Variants in NBPF15 observed in about 807,000 individuals in gnomAD.
NBPF15 encodes NBPF member 15.
In NBPF15, 74 loss-of-function variants were observed where a neutral mutation model predicts 62.2. The observed-to-expected ratio is 1.19, with a 90% CI of 0.99 to 1.44. The LOEUF (loss-of-function observed/expected upper bound fraction) is 1.44, where lower values mean the gene tolerates loss of function less well. NBPF15 is among the 40% of genes most tolerant of loss of function. The pLI, the probability that NBPF15 is intolerant of heterozygous loss-of-function variation, is 0.00. For synonymous variants in NBPF15, 244 were observed against 209.7 expected, an observed-to-expected ratio of 1.16 and a Z score of -1.41; for missense variants, 790 against 550.0, an observed-to-expected ratio of 1.44 and a Z score of -4.36.
intron 20 of NBPF15, among the ~76,000 whole-genome samples, chr1:144,424,194 GT>G (rs1305637661): frequency 6.6e-6 from 1 of 151,948 alleles, no homozygotes; most frequent in Non-Finnish European, 1.5e-5. Flanking sequence ...CTAGTAGATC[GT>G]TATCCCAATA....
chr1:144,447,797 C>T (rs1309791223), intron 6 of NBPF15, among the ~76,000 whole-genome samples: 1 of 152,082 alleles, frequency 6.6e-6, no homozygotes, highest in African/African-American at 2.4e-5. Context: ...TAGTTTATTT[C>T]ATGCCTTTCT....
intron 4 of NBPF15, among the ~76,000 whole-genome samples, chr1:144,451,578 T>A (rs1691191494): frequency 6.6e-6 from 1 of 151,948 alleles, no homozygotes; most frequent in Admixed American, 6.6e-5. Context: ...TTCCGCAGTG[T>A]AGTGTGTCTC....
rs1669129234 is a variant in NBPF15, at chr1:144,425,557, C to A, written c.1450G>T (p.Asp484Tyr). 20 of 560,746 alleles carry A rather than the reference C, an allele frequency of 3.6e-5. No individual in the cohort carries two copies. The East Asian group carries it at 4.8e-4, about 13-fold the overall frequency. The allele number at this position is 560,746 out of a possible 1,614,324, so 34.7% of individuals were successfully genotyped here. A position where few individuals can be genotyped will look rare whatever the true frequency, so the allele number is the denominator to read the frequency against. ...LALDVDRIKK[D>Y]QEEEEDQGPP... ...CCTTGGTCTTCTTCCTCTTCTTGGT[C>A]CTTTTTAATTCCTGCAATACATTCA... The change falls in exon 19 of 22, where the codon GAC becomes TAC. Residue 484 changes from aspartate to tyrosine, a missense_variant. Asp to Tyr is a radical substitution (Grantham distance 160, BLOSUM62 -3). Transcript: ENST00000581897.
intron 11 of NBPF15, among the ~76,000 whole-genome samples, 180 bp from the exon 12 acceptor site, chr1:144,435,496 T>C (rs1197941128): frequency 2.6e-5 from 4 of 151,678 alleles, no homozygotes; most frequent in Non-Finnish European, 5.9e-5. Context: ...ATGGCTGCCA[T>C]GGGAACCAGA....
At chr1:144,451,847 A>C (rs9971024) in intron 4 of NBPF15, among the ~76,000 whole-genome samples, 13,440 of 149,742 alleles carry the variant, frequency 0.09, 1,612 homozygotes, top group African/African-American at 0.27. Context: ...ACAATCTGAT[A>C]TCTCTTTCTT....
At chr1:144,427,360 C>A (rs1670489858) in intron 16 of NBPF15, among the ~76,000 whole-genome samples, 1 of 127,060 alleles carries the variant, frequency 7.9e-6, no homozygotes, top group Non-Finnish European at 1.6e-5. Flanking sequence ...AATGGTTATG[C>A]CATATTTTTC....
intron 15 of NBPF15, among the ~76,000 whole-genome samples, chr1:144,428,257 A>T (rs9438174): frequency 6.9e-6 from 1 of 144,360 alleles, no homozygotes; most frequent in Non-Finnish European, 1.5e-5. Context: ...TGATGAGGGA[A>T]TCAAAGGACA....
intron 20 of NBPF15, among the ~76,000 whole-genome samples, chr1:144,424,192 T>C (rs1271382102): frequency 6.6e-6 from 1 of 152,050 alleles, no homozygotes; most frequent in Non-Finnish European, 1.5e-5. Flanking sequence ...TTCTAGTAGA[T>C]CGTTATCCCA....
At position 144,429,202 on chromosome 1, in the gene NBPF15, CA is replaced by C. The variant is rs1441454051; in HGVS notation, c.988+497del. Among the ~76,000 whole-genome samples the C allele has an allele frequency of 5.4e-5, 8 of 148,828 alleles. 1 individual carries two copies. Among genetic ancestry groups the C allele is most frequent in the Non-Finnish European group, 7.4e-5 (5 of 67,928 alleles). ...ATGGACAGATGAGCTAAAACAAGCG[CA>C]CTTAGAAGACACAGAAAATGGGAAT... On this transcript the variant is annotated intron_variant, in intron 14 of 21. Transcript: ENST00000581897.
chr1:144,441,897 G>T lies in NBPF15; in HGVS notation c.-190-1602C>A, dbSNP rs1412867810. Among the ~76,000 whole-genome samples the T allele has an allele frequency of 6.7e-5, 10 of 148,890 alleles. No individual in the cohort carries two copies. In the East Asian group the frequency reaches 2.0e-3, roughly 29 times the overall value. On this transcript the variant is annotated intron_variant, in intron 6 of 21. Coordinates refer to ENST00000581897, the MANE Select transcript of NBPF15 (RefSeq NM_001385408.1). The stretch of plus-strand genomic sequence containing the variant: ...CCCAATGAAGGGCATTGGTGTCTTT[G>T]TTTTTAAAACATTTAGAAGCGGCGG...
intron 5 of NBPF15, among the ~76,000 whole-genome samples, chr1:144,449,579 AAG>A (rs1369889495): frequency 6.6e-6 from 1 of 152,002 alleles, no homozygotes; most frequent in Non-Finnish European, 1.5e-5. Context: ...CCATACGCAA[AAG>A]AGTGTGAGGA....
chr1:144,434,834 T>C (rs1255169201), intron 12 of NBPF15, among the ~76,000 whole-genome samples: 20 of 152,048 alleles, frequency 1.3e-4, no homozygotes, highest in Admixed American at 9.8e-4. Flanking sequence ...AGATACTGAA[T>C]CGAAGCTAGG....
At chr1:144,443,263 T>G (rs1684908774) in intron 6 of NBPF15, among the ~76,000 whole-genome samples, 1 of 152,034 alleles carries the variant, frequency 6.6e-6, no homozygotes, top group South Asian at 2.1e-4. Flanking sequence ...AATCAATAAC[T>G]GTACATATGT....
At chr1:144,425,194 C>T (rs1427794893) in intron 19 of NBPF15, among the ~76,000 whole-genome samples, 6 of 133,282 alleles carry the variant, frequency 4.5e-5, no homozygotes, top group Non-Finnish European at 9.4e-5. Flanking sequence ...TGAGTTAGTG[C>T]CCTCAGGACA....
At chr1:144,445,244 G>T (rs1478428646) in intron 6 of NBPF15, among the ~76,000 whole-genome samples, 1 of 131,336 alleles carries the variant, frequency 7.6e-6, no homozygotes, top group African/African-American at 2.9e-5. Flanking sequence ...GTATGTGTGT[G>T]TGTGTGTTTG....
rs1553542272 is a variant in NBPF15, at chr1:144,439,921, A to T, written c.83T>A (p.Leu28Ter). ...TCTGAACTGCTGTTTCTTCTCTGCCAACTGGGGGCGCAATTTCTCATTGAT... is the reference window on the plus strand; with the variant it reads ...TCTGAACTGCTGTTTCTTCTCTGCCTACTGGGGGCGCAATTTCTCATTGAT... ...LEINEKLRPQ[L>*]AEKKQQFRNL... The change falls in exon 8 of 22, where the codon TTG becomes TAG. Residue 28 changes from leucine (L) to a stop codon, truncating the protein, a stop_gained. Coordinates refer to ENST00000581897, the MANE Select transcript of NBPF15 (RefSeq NM_001385408.1). LOFTEE classifies it high-confidence loss of function. 1.2e-5 allele frequency: 19 copies of T among 1,611,462 alleles called. No homozygotes were observed.
At chr1:144,445,393 G>A in intron 6 of NBPF15, among the ~76,000 whole-genome samples, 1 of 143,380 alleles carries the variant, frequency 7.0e-6, no homozygotes, top group African/African-American at 2.5e-5. Context: ...GTTTGTGTGT[G>A]TGTGTGTATA....
At chr1:144,435,424 A>C in intron 11 of NBPF15, 108 bp from the exon 12 acceptor site, 2 of 1,479,004 alleles carry the variant, frequency 1.4e-6, no homozygotes, top group Non-Finnish European at 1.9e-6. Context: ...GTGGTCCCAG[A>C]AAGCAAAATG....
intron 6 of NBPF15, chr1:144,440,554 G>C (rs1285235053): frequency 2.0e-5 from 5 of 253,042 alleles, no homozygotes; most frequent in Non-Finnish European, 3.7e-5. Context: ...CATCAAGGCA[G>C]AAACAGTTTC....
Sources: gnomAD v4.1 joint callset for allele counts (sites outside exome capture counted in the v4.1 genomes callset) on GRCh38, gnomAD v4.1.1 for gene constraint, MANE v1.5 for transcripts, NCBI Gene and HGNC (gene_info 2026-07-23, HGNC 2026-07-21) for gene names.